CEP85L: variants seen among roughly 807,000 people sequenced by gnomAD.
CEP85L encodes centrosomal protein 85L, also known as centrosomal protein of 85 kDa-like.
Under a neutral mutation model 100.3 loss-of-function variants are expected in CEP85L, and 60 were observed. The observed-to-expected ratio is 0.60, with a 90% CI of 0.49 to 0.74. The LOEUF (loss-of-function observed/expected upper bound fraction) is 0.74, where lower values mean the gene tolerates loss of function less well. Ranked by LOEUF, CEP85L falls within the 30% of genes least tolerant of loss-of-function variation. The pLI, the probability that CEP85L is intolerant of heterozygous loss-of-function variation, is 0.00. For missense variants in CEP85L, 973 were observed against 936.2 expected, an observed-to-expected ratio of 1.04 and a Z score of -0.51; for synonymous variants, 319 against 322.7, an observed-to-expected ratio of 0.99 and a Z score of 0.12.
At chr6:118,601,702 AG>A (rs1023272893) in intron 2 of CEP85L, among the ~76,000 whole-genome samples, 6 of 152,172 alleles carry the variant, frequency 3.9e-5, no homozygotes, top group African/African-American at 1.4e-4. Context: ...TATGCTAAAC[AG>A]GGGGTGGATT....
chr6:118,470,648 G>C lies in CEP85L; in HGVS notation c.1915-4C>G. 6.5e-7 allele frequency: 1 copy of C among 1,549,786 alleles called. No homozygotes were observed. Among genetic ancestry groups the C allele is most frequent in the Non-Finnish European group, 8.7e-7 (1 of 1,144,556 alleles). ...TAGAAAGCTTTCCTTGCATAGACTA[G>C]AATTTTTAAAAAAATTGGAAAGCAA... is the stretch of plus-strand genomic sequence containing the variant. On this transcript the variant is annotated splice_region_variant and splice_polypyrimidine_tract_variant and intron_variant, in intron 10 of 12. Coordinates refer to ENST00000368491, the MANE Select transcript of CEP85L (RefSeq NM_001042475.3).
chr6:118,610,325 A>G (rs879901745), intron 2 of CEP85L, among the ~76,000 whole-genome samples: 10 of 152,174 alleles, frequency 6.6e-5, no homozygotes, highest in Non-Finnish European at 1.0e-4. Context: ...TAAACTTGCC[A>G]GGCTGTAATA....
intron 1 of CEP85L, among the ~76,000 whole-genome samples, chr6:118,641,357 G>A (rs1774856323): frequency 6.6e-6 from 1 of 151,980 alleles, no homozygotes; most frequent in East Asian, 1.9e-4. Flanking sequence ...ATGCATGCCA[G>A]GGAGTACACG....
chr6:118,704,059 T>C (rs923350614), intron 1 of CEP85L, among the ~76,000 whole-genome samples: 2 of 152,084 alleles, frequency 1.3e-5, no homozygotes, highest in Non-Finnish European at 2.9e-5. Flanking sequence ...AGAAGCAAAC[T>C]ATACCTGCCA....
At chr6:118,607,777 T>C (rs149654459) in intron 2 of CEP85L, among the ~76,000 whole-genome samples, 2 of 152,102 alleles carry the variant, frequency 1.3e-5, no homozygotes, top group Non-Finnish European at 2.9e-5. Flanking sequence ...TGCATCTATT[T>C]CCTTTGGGTC....
intron 12 of CEP85L, among the ~76,000 whole-genome samples, chr6:118,467,744 G>A (rs753607430): frequency 1.3e-5 from 2 of 152,192 alleles, no homozygotes; most frequent in Non-Finnish European, 2.9e-5. Context: ...TTCCCTTTGT[G>A]TGTGAGCTTT....
intron 1 of CEP85L, among the ~76,000 whole-genome samples, chr6:118,641,718 C>A (rs1774887426): frequency 6.6e-6 from 1 of 151,656 alleles, no homozygotes; most frequent in South Asian, 2.1e-4. Context: ...TGCAAAGAAA[C>A]CTGAAGTTGA....
chr6:118,674,473 G>A (rs933300227), intron 1 of CEP85L, among the ~76,000 whole-genome samples: 3 of 151,256 alleles, frequency 2.0e-5, no homozygotes, highest in African/African-American at 7.3e-5. Context: ...GTAGTGAGCC[G>A]AGATTGCGCC....
intron 1 of CEP85L, among the ~76,000 whole-genome samples, chr6:118,672,767 GAAGAAGA>G (rs1003859185): frequency 2.6e-3 from 386 of 150,272 alleles, no homozygotes; most frequent in African/African-American, 9.0e-3. Flanking sequence ...TCCTGTCTCA[GAAGAAGA>G]AAGAAGAAAG....
intron 1 of CEP85L, among the ~76,000 whole-genome samples, chr6:118,689,331 T>C (rs1484852572): frequency 2.6e-5 from 4 of 152,208 alleles, no homozygotes; most frequent in Non-Finnish European, 5.9e-5. Flanking sequence ...CATACAATAA[T>C]TTTTATGGTT....
upstream of CEP85L, among the ~76,000 whole-genome samples, chr6:118,655,467 C>T (rs947727957): frequency 2.0e-5 from 3 of 152,264 alleles, no homozygotes; most frequent in Admixed American, 6.5e-5. Context: ...TCATCCTGAG[C>T]GTATGAAAAG....
At chr6:118,580,822 T>C (rs1474651525) in intron 2 of CEP85L, among the ~76,000 whole-genome samples, 1 of 152,200 alleles carries the variant, frequency 6.6e-6, no homozygotes, top group Non-Finnish European at 1.5e-5. Flanking sequence ...TCTGTGTGTA[T>C]GTGTCAACTG....
chr6:118,576,934 G>A (rs879886874), intron 2 of CEP85L, among the ~76,000 whole-genome samples: 1 of 152,162 alleles, frequency 6.6e-6, no homozygotes, highest in Non-Finnish European at 1.5e-5. Flanking sequence ...GCGACAGGTA[G>A]GCCAGAAACC....
chr6:118,584,564 C>T lies in CEP85L; in HGVS notation c.233-18248G>A, dbSNP rs557456560. ...CTTAAGGCACCAACTTTCACCCTTCCTATAGGGAAGGACTTCAATCTGTAT... is the reference window on the plus strand; with the variant it reads ...CTTAAGGCACCAACTTTCACCCTTCTTATAGGGAAGGACTTCAATCTGTAT... On this transcript the variant is annotated intron_variant, in intron 2 of 12. Transcript: ENST00000368491. 2.0e-5 allele frequency among the ~76,000 whole-genome samples: 3 copies of T among 152,308 alleles called. No individual in the cohort carries two copies. In the South Asian group the frequency reaches 6.2e-4, roughly 32 times the overall value.
chr6:118,551,189 C>G (rs1778521084), intron 3 of CEP85L, among the ~76,000 whole-genome samples: 1 of 151,708 alleles, frequency 6.6e-6, no homozygotes, highest in African/African-American at 2.4e-5. Flanking sequence ...AAGTTCTTAC[C>G]CAGAGTAATT....
chr6:118,613,941 A>G (rs1772838992), intron 2 of CEP85L, among the ~76,000 whole-genome samples: 2 of 152,280 alleles, frequency 1.3e-5, no homozygotes, highest in South Asian at 4.1e-4. Flanking sequence ...GAAAAAAACT[A>G]CAGGACAATA....
intron 1 of CEP85L, among the ~76,000 whole-genome samples, chr6:118,696,292 G>GAAAAA (rs1486912040): frequency 6.6e-6 from 1 of 151,876 alleles, no homozygotes; most frequent in Non-Finnish European, 1.5e-5. Flanking sequence ...AAAAGAAAAA[G>GAAAAA]AAAAAGAAAT....
chr6:118,608,724 T>C (rs1411858037), intron 2 of CEP85L, among the ~76,000 whole-genome samples: 1 of 152,120 alleles, frequency 6.6e-6, no homozygotes, highest in Non-Finnish European at 1.5e-5. Flanking sequence ...AGTACTTAAG[T>C]TAATATGCTT....
At chr6:118,489,311 C>T (rs530694432) in intron 6 of CEP85L, among the ~76,000 whole-genome samples, 7 of 149,068 alleles carry the variant, frequency 4.7e-5, no homozygotes, top group African/African-American at 1.5e-4. Context: ...GATTTTCCCA[C>T]ACAAACAAAA....
Sources: gnomAD v4.1 joint callset for allele counts (sites outside exome capture counted in the v4.1 genomes callset) on GRCh38, gnomAD v4.1.1 for gene constraint, MANE v1.5 for transcripts, NCBI Gene and HGNC (gene_info 2026-07-23, HGNC 2026-07-21) for gene names.